KIF21A: variants seen among roughly 807,000 people sequenced by gnomAD.
KIF21A encodes the protein kinesin family member 21A.
Under a neutral mutation model 202.9 loss-of-function variants are expected in KIF21A, and 114 were observed. The ratio of observed to expected loss-of-function variants is 0.56; its 90% CI spans 0.48 to 0.66. The LOEUF is 0.66. Among genes scored for constraint, KIF21A ranks in the 30% least tolerant of loss-of-function variants. The pLI is 0.00. For synonymous variants in KIF21A, 667 were observed against 670.8 expected, an observed-to-expected ratio of 0.99 and a Z score of 0.09; for missense variants, 1,677 against 1,994.9, an observed-to-expected ratio of 0.84 and a Z score of 3.04.
intron 1 of KIF21A, among the ~76,000 whole-genome samples, chr12:39,416,906 TACAC>T (rs113272244): frequency 6.1e-5 from 9 of 148,680 alleles, no homozygotes; most frequent in Admixed American, 1.3e-4. Flanking sequence ...TATATATATG[TACAC>T]ACACACACAT....
At chr12:39,317,676 C>T (rs1227127922) in intron 29 of KIF21A, among the ~76,000 whole-genome samples, 1 of 152,044 alleles carries the variant, frequency 6.6e-6, no homozygotes, top group Admixed American at 6.6e-5. Context: ...CTGTTATATC[C>T]CCCAGAAGTA....
intron 11 of KIF21A, among the ~76,000 whole-genome samples, chr12:39,349,113 G>T (rs1421005897): frequency 3.3e-5 from 5 of 152,046 alleles, no homozygotes; most frequent in African/African-American, 1.2e-4. Flanking sequence ...GGGGACACAG[G>T]AAGGTCAGTA....
chr12:39,352,131 T>C, intron 10 of KIF21A, 151 bp from the exon 11 acceptor site: 1 of 661,928 alleles, frequency 1.5e-6, no homozygotes, highest in South Asian at 1.8e-5. Context: ...CCACCATCCA[T>C]CTCCAGAAAT....
At chr12:39,301,952 C>T (rs906658477) in intron 36 of KIF21A, among the ~76,000 whole-genome samples, 5 of 152,158 alleles carry the variant, frequency 3.3e-5, no homozygotes, top group South Asian at 2.1e-4. Context: ...ATAGAACTTT[C>T]GAGCATCACA....
chr12:39,319,843 T>G, intron 28 of KIF21A, 63 bp downstream of exon 28: 2 of 949,546 alleles, frequency 2.1e-6, no homozygotes. Context: ...ATGATTATCT[T>G]TAGCATCTAA....
chr12:39,331,924 T>C (rs968635089), intron 21 of KIF21A, 133 bp from the exon 22 acceptor site: 57 of 761,056 alleles, frequency 7.5e-5, no homozygotes, highest in Admixed American at 5.7e-4. Context: ...CAATATATGA[T>C]CATTACCCCA....
chr12:39,307,910 G>C (rs778745669), intron 33 of KIF21A, among the ~76,000 whole-genome samples, 181 bp from the exon 34 acceptor site: 3 of 152,082 alleles, frequency 2.0e-5, no homozygotes, highest in Non-Finnish European at 4.4e-5. Context: ...TAATTATTTG[G>C]TAAGTGAAGA....
chr12:39,390,257 T>C (rs1372937795), intron 1 of KIF21A, among the ~76,000 whole-genome samples: 1 of 152,212 alleles, frequency 6.6e-6, no homozygotes, highest in African/African-American at 2.4e-5. Flanking sequence ...GTAAAACCTT[T>C]ACAAAGTATG....
intron 34 of KIF21A, 150 bp downstream of exon 34, chr12:39,307,415 C>T: frequency 1.5e-6 from 1 of 655,048 alleles, no homozygotes; most frequent in South Asian, 1.9e-5. Flanking sequence ...ACACAAGAGA[C>T]ATTTAGAGGT....
At chr12:39,380,043 C>T (rs1950516696) in intron 1 of KIF21A, among the ~76,000 whole-genome samples, 1 of 152,250 alleles carries the variant, frequency 6.6e-6, no homozygotes, top group Non-Finnish European at 1.5e-5. Flanking sequence ...TCTCTGCTCA[C>T]TGCAACCTCC....
chr12:39,309,922 T>C (rs1943857794), intron 32 of KIF21A, among the ~76,000 whole-genome samples, 156 bp from the exon 33 acceptor site: 1 of 152,124 alleles, frequency 6.6e-6, no homozygotes, highest in Non-Finnish European at 1.5e-5. Context: ...TCCTTGACCC[T>C]CTGCAACAGG....
chr12:39,346,488 C>A lies in KIF21A; in HGVS notation c.1690G>T (p.Glu564Ter). Residue 564 changes from glutamate to a stop codon, truncating the protein, a stop_gained, in exon 12 of 38, where the codon GAA becomes TAA. Coordinates refer to ENST00000361418, the MANE Select transcript of KIF21A (RefSeq NM_001173464.2). LOFTEE classifies it high-confidence loss of function. ...RKKKRLQKLE[E>*]SNREERSVAG... ...AACCTTCTTTCTTCTCGATTGCTTT[C>A]CTCAAGTTTCTGTAGCCTTCAAAAT... 6.8e-7 allele frequency: 1 copy of A among 1,479,076 alleles called. No individual in the cohort carries two copies. Among genetic ancestry groups the A allele is most frequent in the Non-Finnish European group, 8.9e-7 (1 of 1,117,908 alleles). 91.6% of individuals were successfully genotyped at this position (1,479,076 alleles called of 1,614,324 possible).
At position 39,351,957 on chromosome 12, in the gene KIF21A, G is replaced by C; in HGVS notation, c.1493C>G (p.Ala498Gly). 6.2e-7 allele frequency: 1 copy of C among 1,612,802 alleles called. No individual in the cohort carries two copies. Among genetic ancestry groups the C allele is most frequent in the Non-Finnish European group, 8.5e-7 (1 of 1,179,092 alleles). Reference protein sequence around the residue: ...DLRAKLLESEAVNENLRKNLT... With the variant: ...DLRAKLLESEGVNENLRKNLT... ...GTTTTTTCGAAGGTTCTCATTCACT[G>C]CTTCACTTTCTAATAATTTTGCCCT... Residue 498 changes from alanine (A) to glycine (G), a missense_variant, in exon 11 of 38, where the codon GCA (alanine) becomes GGA (glycine). Transcript: ENST00000361418.
intron 1 of KIF21A, among the ~76,000 whole-genome samples, chr12:39,382,520 G>A (rs1449928629): frequency 6.6e-6 from 1 of 152,016 alleles, no homozygotes; most frequent in East Asian, 1.9e-4. Context: ...AATTTCTCCG[G>A]TCAACATGAA....
At chr12:39,398,953 G>T (rs1377107387) in intron 1 of KIF21A, among the ~76,000 whole-genome samples, 1 of 152,080 alleles carries the variant, frequency 6.6e-6, no homozygotes, top group Admixed American at 6.5e-5. Flanking sequence ...TCTGAGAGCG[G>T]TGACTCATGC....
chr12:39,365,747 C>T (rs866464802), intron 6 of KIF21A, among the ~76,000 whole-genome samples: 4 of 152,178 alleles, frequency 2.6e-5, no homozygotes, highest in Admixed American at 2.6e-4. Context: ...CAGTGGCTCG[C>T]GCCTGTAATC....
chr12:39,301,335 A>G lies in KIF21A; in HGVS notation c.4931+145T>C, dbSNP rs776298440. The G allele has an allele frequency of 2.7e-4, 208 of 778,614 alleles. 1 individual carries two copies. The highest frequency in any genetic ancestry group is 3.7e-4 in the Non-Finnish European group (174 of 465,770). The allele number at this position is 778,614 out of a possible 1,614,324, so 48.2% of individuals were successfully genotyped here. On this transcript the variant is annotated intron_variant, in intron 37 of 37. Coordinates refer to ENST00000361418, the MANE Select transcript of KIF21A (RefSeq NM_001173464.2). ...TTCAGTGCCCACATGTACATCAGAA[A>G]ATATGAATAAGACATCTTAAAACAG...
intron 1 of KIF21A, among the ~76,000 whole-genome samples, chr12:39,430,003 C>T (rs1937636481): frequency 1.3e-5 from 2 of 151,958 alleles, no homozygotes; most frequent in African/African-American, 4.8e-5. Context: ...AACTAAGGCT[C>T]ATAAAAGTTA....
At chr12:39,372,231 CAG>C (rs942381630) in intron 1 of KIF21A, among the ~76,000 whole-genome samples, 6 of 152,162 alleles carry the variant, frequency 3.9e-5, no homozygotes, top group South Asian at 2.1e-4. Context: ...TTTTCTAAAA[CAG>C]AATTTTGTAT....
Sources: allele counts gnomAD v4.1 joint callset (sites outside exome capture counted in the v4.1 genomes callset), GRCh38; gene constraint gnomAD v4.1.1; transcripts MANE v1.5; gene names NCBI Gene and HGNC (gene_info 2026-07-23, HGNC 2026-07-21).